Variants in AKAP9 observed in about 807,000 individuals in gnomAD.
AKAP9 encodes the protein A-kinase anchoring protein 9.
AKAP9 carries 311 observed loss-of-function variants against 488.5 expected under a neutral mutation model. The ratio of observed to expected loss-of-function variants is 0.64; its 90% confidence interval spans 0.58 to 0.70. AKAP9 has a LOEUF of 0.70. AKAP9 is among the 30% of genes least tolerant of loss of function. AKAP9 has a pLI of 0.00. For missense variants in AKAP9, 4,215 were observed against 4,374.5 expected (o/e 0.96, Z 1.03); for synonymous variants, 1,462 against 1,483.5 (o/e 0.99, Z 0.33).
chr7:92,042,909 TC>T, intron 20 of AKAP9, 138 bp downstream of exon 20: 1 of 621,962 alleles, frequency 1.6e-6, no homozygotes, highest in Non-Finnish European at 2.9e-6. Flanking sequence ...ATGAAACATG[TC>T]CATGTATGTG....
chr7:92,094,280 C>T (rs1232934713), intron 39 of AKAP9, among the ~76,000 whole-genome samples: 2 of 152,038 alleles, frequency 1.3e-5, no homozygotes, highest in East Asian at 3.9e-4. Flanking sequence ...GCCTGTAATC[C>T]CAGCACTTTG....
At chr7:91,977,339 G>A (rs1795828878) in intron 2 of AKAP9, among the ~76,000 whole-genome samples, 3 of 152,074 alleles carry the variant, frequency 2.0e-5, no homozygotes, top group Admixed American at 6.5e-5. Context: ...GGCAGATCAC[G>A]AGGTCAGGAG....
At chr7:92,109,962 G>A (rs1819099264) in intron 49 of AKAP9, among the ~76,000 whole-genome samples, 160 bp from the exon 50 acceptor site, 1 of 152,052 alleles carries the variant, frequency 6.6e-6, no homozygotes, top group African/African-American at 2.4e-5. Context: ...GGGGTAGTGG[G>A]GAGAGACTCA....
At chr7:91,945,484 G>A (rs1460142096) in intron 1 of AKAP9, among the ~76,000 whole-genome samples, 1 of 152,212 alleles carries the variant, frequency 6.6e-6, no homozygotes, top group Non-Finnish European at 1.5e-5. Context: ...TCCAGCCTGG[G>A]TGACAGAGCA....
chr7:92,086,087 C>G (rs983283027), intron 36 of AKAP9, 141 bp from the exon 37 acceptor site: 1 of 777,574 alleles, frequency 1.3e-6, no homozygotes, highest in African/African-American at 1.8e-5. Flanking sequence ...GAGACTGTCT[C>G]AAAAAGAAAA....
chr7:92,083,391 T>G lies in AKAP9; in HGVS notation c.8382T>G (p.Thr2794=). 3 of 1,613,998 alleles carry G rather than the reference T, an allele frequency of 1.9e-6. No homozygotes were observed. Among genetic ancestry groups the G allele is most frequent in the South Asian group, 2.2e-5 (2 of 91,080 alleles). Residue 2794 remains threonine, a synonymous_variant, in exon 33 of 50, where the codon ACT becomes ACG. Coordinates refer to ENST00000356239, the MANE Select transcript of AKAP9 (RefSeq NM_005751.5). ...TGAAGATCAGTAGCAGCAATCAGAC[T>G]CCACAAATTCTTGTTAAAAATGCAG... is the stretch of plus-strand genomic sequence containing the variant. ...GTLKISSSNQ[T]PQILVKNAGI... is the part of the protein sequence containing the mutation.
chr7:91,946,228 A>C (rs1039799124), intron 1 of AKAP9, among the ~76,000 whole-genome samples: 18 of 152,224 alleles, frequency 1.2e-4, no homozygotes, highest in African/African-American at 4.1e-4. Context: ...TTCCACAGCT[A>C]AGAAAGTGTT....
intron 31 of AKAP9, among the ~76,000 whole-genome samples, chr7:92,082,137 G>A (rs1813692212): frequency 6.6e-6 from 1 of 151,958 alleles, no homozygotes; most frequent in African/African-American, 2.4e-5. Context: ...GTTTCGCCAC[G>A]TTGCCCAGAC....
chr7:91,940,978 C>A lies in AKAP9; in HGVS notation c.-122C>A. 1 of 1,053,794 alleles carries A rather than the reference C, an allele frequency of 9.5e-7. No individual in the cohort carries two copies. Among genetic ancestry groups the A allele is most frequent in the Non-Finnish European group, 1.5e-6 (1 of 673,336 alleles). The allele number at this position is 1,053,794 out of a possible 1,614,324, so 65.3% of individuals were successfully genotyped here. A position where few individuals can be genotyped will look rare whatever the true frequency, so the allele number is the denominator to read the frequency against. On this transcript the variant is annotated 5_prime_UTR_variant, in exon 1 of 50. Coordinates refer to ENST00000356239, the MANE Select transcript of AKAP9 (RefSeq NM_005751.5). Reference sequence around the variant, plus strand: ...GCTTCCACTTCGGGCGGGGGAGCGCCGGACCGAATCGGCTCTCTAGGCCGT... The same window carrying A: ...GCTTCCACTTCGGGCGGGGGAGCGCAGGACCGAATCGGCTCTCTAGGCCGT...
chr7:92,048,919 G>A (rs370023705), intron 21 of AKAP9, among the ~76,000 whole-genome samples: 4 of 152,156 alleles, frequency 2.6e-5, no homozygotes, highest in African/African-American at 9.6e-5. Context: ...TTGTGATATT[G>A]GGCAAACCTC....
rs1254990103 is a variant in AKAP9, at chr7:92,066,546, G to A, written c.6330G>A (p.Glu2110=). ...CTATCAGTGAACATCAAACTAGAGA[G>A]GTAAGAACTTCACTGATATTGCCCA... ...FQPISEHQTR[E]VEQLANHLKE... Residue 2110 remains glutamate, a splice_region_variant and synonymous_variant, in exon 26 of 50, where the codon GAG becomes GAA. Coordinates refer to ENST00000356239, the MANE Select transcript of AKAP9 (RefSeq NM_005751.5). The A allele has an allele frequency of 3.1e-6, 5 of 1,613,126 alleles. No homozygotes were observed. The highest frequency in any genetic ancestry group is 1.7e-5 in the Admixed American group (1 of 59,972).
chr7:92,044,935 T>C, intron 20 of AKAP9, 73 bp from the exon 21 acceptor site: 2 of 1,225,998 alleles, frequency 1.6e-6, no homozygotes, highest in Non-Finnish European at 2.4e-6. Context: ...CAGTGTACTT[T>C]TTAGTGGACA....
At chr7:91,941,928 G>A (rs1207068706) in intron 1 of AKAP9, among the ~76,000 whole-genome samples, 1 of 148,184 alleles carries the variant, frequency 6.7e-6, no homozygotes, top group Non-Finnish European at 1.5e-5. Flanking sequence ...TTATGGAAAA[G>A]CCTGTAAAGC....
rs547098066 is a variant in AKAP9 at position 91,985,614 on chromosome 7, T to A, written c.351+5281T>A. On this transcript the variant is annotated intron_variant, in intron 3 of 49. Coordinates refer to ENST00000356239, the MANE Select transcript of AKAP9 (RefSeq NM_005751.5). ...CTGCCAGGCTTTGGTATCAGGATGA[T>A]GCTGGCCTCATTTAAGTTAGGGAGG... Among the ~76,000 whole-genome samples the A allele has an allele frequency of 1.1e-4, 17 of 152,288 alleles. No individual in the cohort carries two copies. In the South Asian group the frequency reaches 2.3e-3, roughly 20 times the overall value.
chr7:92,000,870 A>G lies in AKAP9; in HGVS notation c.953A>G (p.Asn318Ser). The G allele has an allele frequency of 7.1e-7, 1 of 1,414,984 alleles. No individual in the cohort carries two copies. 87.7% of individuals were successfully genotyped at this position (1,414,984 alleles called of 1,614,324 possible). Residue 318 changes from asparagine (N) to serine (S), a missense_variant, in exon 8 of 50, where the codon AAC becomes AGC. Transcript: ENST00000356239. ...YEMEQDKKVENSNKEEIQEKE... is the reference protein window; with the variant it reads ...YEMEQDKKVESSNKEEIQEKE... ...AAGGAACAAGATAAAAAAGTAGAAA[A>G]CTCAAATAAAGAAGAAATACAGGAA...
At position 92,097,217 on chromosome 7, in the gene AKAP9, G is replaced by A. The variant is rs1196067131; in HGVS notation, c.10258G>A (p.Glu3420Lys). Residue 3420 changes from glutamate (E) to lysine (K), a missense_variant, in exon 41 of 50, where the codon GAA becomes AAA. Physicochemically the swap from Glu to Lys is moderately conservative, Grantham distance 56 (BLOSUM62 1). Coordinates refer to ENST00000356239, the MANE Select transcript of AKAP9 (RefSeq NM_005751.5). ...AGTGGAAGATCTTCAGCGCCAGCTG[G>A]AAGAGAAAAGACAACAAGTTTATAA... The part of the protein sequence containing the change: ...SKVEDLQRQL[E>K]EKRQQVYKLD... 6.2e-7 allele frequency: 1 copy of A among 1,612,542 alleles called. No homozygotes were observed. The highest frequency in any genetic ancestry group is 2.2e-5 in the East Asian group (1 of 44,882).
Position 92,095,104 on chromosome 7 carries a change from C to G in AKAP9, c.9660C>G (p.Leu3220=), listed in dbSNP as rs1259331055. Residue 3220 remains leucine, a synonymous_variant, in exon 40 of 50, where the codon CTC becomes CTG. Coordinates refer to ENST00000356239, the MANE Select transcript of AKAP9 (RefSeq NM_005751.5). ...LASEQKKSRE[L]QWALEKEKAK... is the part of the protein sequence containing the mutation. ...GTGAACAGAAAAAATCAAGAGAGCT[C>G]CAGTGGGCTTTGGAGAAAGAGAAAG... 2.5e-6 allele frequency: 4 copies of G among 1,614,092 alleles called. No individual in the cohort carries two copies. The highest frequency in any genetic ancestry group is 2.5e-6 in the Non-Finnish European group (3 of 1,180,012).
intron 1 of AKAP9, among the ~76,000 whole-genome samples, chr7:91,956,019 T>G (rs1462937989): frequency 1.3e-5 from 2 of 152,216 alleles, no homozygotes; most frequent in Non-Finnish European, 2.9e-5. Flanking sequence ...TTTAGTAGTG[T>G]TTCCTCATCA....
Position 91,998,418 on chromosome 7 carries a change from C to CTTTTTTTTTTTTTTT in AKAP9, c.931-2407_931-2393dup, listed in dbSNP as rs60778133. 2.4e-4 allele frequency among the ~76,000 whole-genome samples: 13 copies of CTTTTTTTTTTTTTTT among 53,990 alleles called. 4 individuals carry two copies. Among genetic ancestry groups the CTTTTTTTTTTTTTTT allele is most frequent in the Non-Finnish European group, 5.2e-4 (13 of 25,222 alleles). The allele number at this position is 53,990 out of a possible 152,430, so 35.4% of individuals were successfully genotyped here. ...AGATAGTGTATTCAACCACAGGGCT[C>CTTTTTTTTTTTTTTT]TTTTTTTTTTTTTTTTTTTTTTTTT... On this transcript the variant is annotated intron_variant, in intron 7 of 49. Transcript: ENST00000356239.
Sources: allele counts gnomAD v4.1 joint callset (sites outside exome capture counted in the v4.1 genomes callset), GRCh38; gene constraint gnomAD v4.1.1; transcripts MANE v1.5; gene names NCBI Gene and HGNC (gene_info 2026-07-23, HGNC 2026-07-21).